PTPRO: variants seen among roughly 807,000 people sequenced by gnomAD.
PTPRO encodes the protein receptor-type tyrosine-protein phosphatase O.
Under a neutral mutation model 145.2 loss-of-function variants are expected in PTPRO, and 62 were observed. The observed-to-expected ratio is 0.43, with a 90% CI of 0.35 to 0.53. The LOEUF (loss-of-function observed/expected upper bound fraction) is 0.53, where lower values mean the gene tolerates loss of function less well. PTPRO is among the 20% of genes least tolerant of loss of function. The probability of loss-of-function intolerance (pLI) is 0.01; values close to 1 mark genes in which losing one functional copy is unlikely to be tolerated. For missense variants in PTPRO, 1,345 were observed against 1,482.7 expected (o/e 0.91, Z 1.53); for synonymous variants, 565 against 514.7 (o/e 1.10, Z -1.32).
At chr12:15,524,246 A>C (rs1288928771) in intron 10 of PTPRO, among the ~76,000 whole-genome samples, 1 of 151,246 alleles carries the variant, frequency 6.6e-6, no homozygotes, top group East Asian at 1.9e-4. Context: ...TGTTTTCTGC[A>C]AAGCACTGGG....
At chr12:15,522,069 C>T (rs1390151421) in intron 10 of PTPRO, among the ~76,000 whole-genome samples, 1 of 152,022 alleles carries the variant, frequency 6.6e-6, no homozygotes, top group Non-Finnish European at 1.5e-5. Flanking sequence ...CAGAGATGGT[C>T]TCAATTTTCA....
intron 20 of PTPRO, 24 bp from the exon 21 acceptor site, chr12:15,580,014 AT>A (rs1484897203): frequency 1.9e-6 from 3 of 1,594,682 alleles, no homozygotes; most frequent in Admixed American, 1.7e-5. Flanking sequence ...GAATTTTAAT[AT>A]TTTTTTCTCC....
intron 1 of PTPRO, among the ~76,000 whole-genome samples, chr12:15,395,450 G>C (rs1464746461): frequency 6.6e-6 from 1 of 151,830 alleles, no homozygotes; most frequent in Non-Finnish European, 1.5e-5. Flanking sequence ...AAATATAAGA[G>C]AGTTCACAGA....
chr12:15,501,840 G>C lies in PTPRO; in HGVS notation c.882G>C (p.Thr294=), dbSNP rs140151242. The change falls in exon 5 of 27, where the codon ACG becomes ACC. Residue 294 remains threonine (T), a synonymous_variant. Transcript: ENST00000281171. ...PDFNSSDYET[T]SQPYWWDSAS... The stretch of plus-strand genomic sequence containing the variant: ...TTAATAGCAGTGACTATGAAACTAC[G>C]TCTCAGCCATATTGGTGGGACAGTG... 1 of 1,614,016 alleles carries C rather than the reference G, an allele frequency of 6.2e-7. No homozygotes were observed. Among genetic ancestry groups the C allele is most frequent in the East Asian group, 2.2e-5 (1 of 44,832 alleles).
In PTPRO at chr12:15,516,940, C is replaced by T; in HGVS notation, c.1763C>T (p.Ser588Phe). The T allele has an allele frequency of 6.2e-7, 1 of 1,613,466 alleles. No individual in the cohort carries two copies. The highest frequency in any genetic ancestry group is 8.5e-7 in the Non-Finnish European group (1 of 1,179,372). Residue 588 changes from serine (S) to phenylalanine (F), a missense_variant, in exon 9 of 27, where the codon TCC becomes TTC. By Grantham distance (155) the Ser-to-Phe change is radical (BLOSUM62 -2). This residue lies in a region of PTPRO where 1,130 missense variants were observed against 1,214.7 expected (regional missense o/e 0.93). Coordinates refer to ENST00000281171, the MANE Select transcript of PTPRO (RefSeq NM_030667.3). ...TACTATGAAATAGCAGCAACTGTTT[C>T]CTTAACTGCATCCGTGGTAATCTTC... ...TTYYEIAATV[S>F]LTASVRIANL...
At chr12:15,370,661 G>A (rs968166169) in intron 1 of PTPRO, among the ~76,000 whole-genome samples, 1 of 151,738 alleles carries the variant, frequency 6.6e-6, no homozygotes, top group African/African-American at 2.4e-5. Context: ...AAACATTTTT[G>A]CAAATCAATA....
intron 7 of PTPRO, among the ~76,000 whole-genome samples, chr12:15,511,992 T>C (rs1942451031): frequency 6.6e-6 from 1 of 152,236 alleles, no homozygotes; most frequent in Admixed American, 6.5e-5. Flanking sequence ...TTATGCCCTT[T>C]ATTATTCTAA....
intron 1 of PTPRO, among the ~76,000 whole-genome samples, chr12:15,415,281 C>T (rs1165158630): frequency 6.6e-6 from 1 of 152,166 alleles, no homozygotes; most frequent in Admixed American, 6.6e-5. Context: ...AGCTAATCAG[C>T]TTATCAGCAG....
At chr12:15,336,141 A>C (rs900163919) in intron 1 of PTPRO, among the ~76,000 whole-genome samples, 1 of 152,108 alleles carries the variant, frequency 6.6e-6, no homozygotes, top group Non-Finnish European at 1.5e-5. Flanking sequence ...GAATATCATC[A>C]TTCCTAAACA....
Position 15,549,785 on chromosome 12 carries a change from C to T in PTPRO, c.2437+559C>T, listed in dbSNP as rs778542893. On this transcript the variant is annotated intron_variant, in intron 14 of 26. Coordinates refer to ENST00000281171, the MANE Select transcript of PTPRO (RefSeq NM_030667.3). ...GTTTGTTAGAGTCTGATTCTGCAAC[C>T]TGAGACCCTCTATGAAGCCTCTTGT... Among the ~76,000 whole-genome samples, 263 of 152,282 alleles carry T rather than the reference C, an allele frequency of 1.7e-3. 1 individual carries two copies. The highest frequency in any genetic ancestry group is 1.1e-3 in the Non-Finnish European group (72 of 68,010).
intron 1 of PTPRO, among the ~76,000 whole-genome samples, chr12:15,340,416 G>T (rs542568878): frequency 1.3e-5 from 2 of 152,124 alleles, no homozygotes; most frequent in South Asian, 4.1e-4. Flanking sequence ...GACAGAAATG[G>T]GGTAGGGATC....
At chr12:15,549,832 A>G (rs1432939153) in intron 14 of PTPRO, among the ~76,000 whole-genome samples, 2 of 152,174 alleles carry the variant, frequency 1.3e-5, no homozygotes, top group Non-Finnish European at 2.9e-5. Flanking sequence ...TCATAACTTC[A>G]CTGGTTTAGT....
At chr12:15,416,014 G>A (rs967767034) in intron 1 of PTPRO, among the ~76,000 whole-genome samples, 1 of 151,608 alleles carries the variant, frequency 6.6e-6, no homozygotes, top group Admixed American at 6.6e-5. Flanking sequence ...AACTTAGAAT[G>A]GGACAAATAG....
At chr12:15,546,852 C>T (rs1399341051) in intron 13 of PTPRO, 144 bp downstream of exon 13, 2 of 1,255,112 alleles carry the variant, frequency 1.6e-6, no homozygotes, top group Admixed American at 2.2e-5. Context: ...TAGAAATTAA[C>T]AGCAGGCTTA....
intron 1 of PTPRO, among the ~76,000 whole-genome samples, chr12:15,472,649 G>A (rs1481644559): frequency 6.6e-6 from 1 of 152,168 alleles, no homozygotes; most frequent in Non-Finnish European, 1.5e-5. Flanking sequence ...TTGTCTACAT[G>A]TCCGTGGCAC....
Position 15,516,860 on chromosome 12 carries a change from C to G in PTPRO, c.1683C>G (p.Tyr561Ter), listed in dbSNP as rs111913342. 6.2e-7 allele frequency: 1 copy of G among 1,612,362 alleles called. No homozygotes were observed. The highest frequency in any genetic ancestry group is 8.5e-7 in the Non-Finnish European group (1 of 1,178,400). ...TRPYLGVFRK[Y>*]VVEMFYFNPA... ...CTTATTTAGGCGTGTTCAGAAAATA[C>G]GTGGTTGAAATGTTTTATTTCAACC... Residue 561 changes from tyrosine to a stop codon, truncating the protein, a stop_gained, in exon 9 of 27, where the codon TAC becomes TAG. Transcript: ENST00000281171. LOFTEE classifies it high-confidence loss of function.
At chr12:15,406,707 T>C (rs559093874) in intron 1 of PTPRO, among the ~76,000 whole-genome samples, 6 of 152,280 alleles carry the variant, frequency 3.9e-5, no homozygotes, top group African/African-American at 1.4e-4. Flanking sequence ...AAATGCAAAG[T>C]GCCCTGGTAG....
chr12:15,332,027 A>T (rs952649093), intron 1 of PTPRO, among the ~76,000 whole-genome samples: 2 of 142,726 alleles, frequency 1.4e-5, no homozygotes, highest in Non-Finnish European at 3.0e-5. Flanking sequence ...ATGCAGTGAC[A>T]TGATCTAGGC....
intron 1 of PTPRO, among the ~76,000 whole-genome samples, chr12:15,373,276 G>A (rs188036938): frequency 7.3e-4 from 111 of 152,272 alleles, no homozygotes; most frequent in African/African-American, 2.3e-3. Context: ...ACAGCAAATT[G>A]TCTTGTGAGC....
Sources: allele counts gnomAD v4.1 joint callset (sites outside exome capture counted in the v4.1 genomes callset), GRCh38; gene constraint gnomAD v4.1.1; regional missense constraint gnomAD v4.1.1; transcripts MANE v1.5; gene names NCBI Gene and HGNC (gene_info 2026-07-23, HGNC 2026-07-21).